Variants in UBE2D2 observed in about 807,000 individuals in gnomAD.
UBE2D2 encodes ubiquitin conjugating enzyme E2 D2, also known as ubiquitin-conjugating enzyme E2 D2.
UBE2D2 carries 2 observed loss-of-function variants against 24.2 expected under a neutral mutation model. The observed-to-expected ratio is 0.08, with a 90% CI of 0.03 to 0.26. UBE2D2 has a LOEUF of 0.26. Ranked by LOEUF, UBE2D2 falls within the 10% of genes least tolerant of loss-of-function variation. The probability of loss-of-function intolerance (pLI) is 1.00; values close to 1 mark genes in which losing one functional copy is unlikely to be tolerated. For synonymous variants in UBE2D2, 58 were observed against 56.5 expected (o/e 1.03, Z -0.12); for missense variants, 44 against 177.6 (o/e 0.25, Z 4.28).
At chr5:139,554,835 T>C (rs1752960588) in intron 1 of UBE2D2, 2 of 152,210 alleles carry the variant, frequency 1.3e-5, no homozygotes, top group Non-Finnish European at 2.9e-5. Flanking sequence ...TCACCATTTA[T>C]TTCTGTCAAT....
intron 1 of UBE2D2, among the ~76,000 whole-genome samples, chr5:139,580,734 C>T (rs1262415316): frequency 3.2e-4 from 49 of 152,124 alleles, no homozygotes; most frequent in Admixed American, 3.1e-3. Context: ...CGTGAGCCAC[C>T]GTGCCCAGCC....
intron 1 of UBE2D2, among the ~76,000 whole-genome samples, chr5:139,587,066 G>A (rs1753744454): frequency 6.6e-6 from 1 of 152,134 alleles, no homozygotes. Context: ...TCTGACCTGG[G>A]GTTGTTGGCC....
intron 2 of UBE2D2, among the ~76,000 whole-genome samples, chr5:139,602,778 C>T (rs1754110173): frequency 6.6e-6 from 1 of 152,146 alleles, no homozygotes; most frequent in African/African-American, 2.4e-5. Context: ...ACAAGGATTA[C>T]TTTACAAATA....
In UBE2D2 at chr5:139,529,085, CAGGTCACTGAGGT is replaced by C. The variant is rs1752572315; in HGVS notation, c.-64+2477_-64+2489del. 2.6e-5 allele frequency among the ~76,000 whole-genome samples: 4 copies of C among 152,280 alleles called. No individual in the cohort carries two copies. The Middle Eastern group carries it at 0.014, about 518-fold the overall frequency. Reference sequence around the variant, plus strand: ...TGAAAACTGTTCCCAGTATATACATCAGGTCACTGAGGTAGGACAAAAGATTGCTACAGTCATA... The same window carrying C: ...TGAAAACTGTTCCCAGTATATACATCAGGACAAAAGATTGCTACAGTCATA... On this transcript the variant is annotated intron_variant, in intron 1 of 6. Coordinates refer to the UBE2D2 transcript ENST00000511725.
upstream of UBE2D2, among the ~76,000 whole-genome samples, chr5:139,559,361 G>A (rs955192413): frequency 6.6e-6 from 1 of 151,466 alleles, no homozygotes; most frequent in South Asian, 2.1e-4. Context: ...CGGGAGAAGA[G>A]CTTGCAGTGA....
chr5:139,605,944 T>G (rs924135677), intron 2 of UBE2D2, among the ~76,000 whole-genome samples: 2 of 152,090 alleles, frequency 1.3e-5, no homozygotes, highest in Non-Finnish European at 2.9e-5. Context: ...GGTCTCACCA[T>G]GTTTCCTACG....
intron 2 of UBE2D2, among the ~76,000 whole-genome samples, chr5:139,607,454 T>C (rs1434921158): frequency 2.0e-5 from 3 of 152,216 alleles, no homozygotes; most frequent in Non-Finnish European, 2.9e-5. Context: ...TTCCTTTTCC[T>C]TCTGCTATTT....
chr5:139,589,123 T>A (rs1416758124), intron 1 of UBE2D2, among the ~76,000 whole-genome samples: 3 of 152,124 alleles, frequency 2.0e-5, no homozygotes, highest in African/African-American at 4.8e-5. Flanking sequence ...CAGAGCGTCT[T>A]TGGTTTGCAC....
At chr5:139,578,840 T>C (rs1561509126) in intron 1 of UBE2D2, among the ~76,000 whole-genome samples, 1 of 152,200 alleles carries the variant, frequency 6.6e-6, no homozygotes. Context: ...TCGTTGACTC[T>C]GAAACACATC....
chr5:139,562,339 A>G (rs577174501), intron 1 of UBE2D2: 2 of 1,344,500 alleles, frequency 1.5e-6, no homozygotes, highest in Non-Finnish European at 2.0e-6. Flanking sequence ...CTTGGGTGGC[A>G]GCACACATCG....
At chr5:139,609,078 CT>C (rs1160422379) in intron 2 of UBE2D2, among the ~76,000 whole-genome samples, 1 of 150,506 alleles carries the variant, frequency 6.6e-6, no homozygotes, top group African/African-American at 2.4e-5. Context: ...CAGAGCGAGA[CT>C]CCATCTCAAA....
chr5:139,606,265 A>G (rs1250179368), intron 2 of UBE2D2, among the ~76,000 whole-genome samples: 1 of 152,014 alleles, frequency 6.6e-6, no homozygotes, highest in Non-Finnish European at 1.5e-5. Flanking sequence ...AGGTTCAAGC[A>G]ATTCTCCTGT....
chr5:139,550,548 C>T (rs1433822095), intron 1 of UBE2D2, among the ~76,000 whole-genome samples: 1 of 152,106 alleles, frequency 6.6e-6, no homozygotes, highest in Admixed American at 6.6e-5. Context: ...GCAACTGGCT[C>T]AGGTTCTCTT....
Position 139,561,437 on chromosome 5 carries a change from G to A in UBE2D2, c.-355G>A, listed in dbSNP as rs1198908220. Reference sequence around the variant, plus strand: ...AATCCCTCCGGCTGTCCGACCAAGAGAGGCCGGCCGAGCCCGAGGCTTGGG... The same window carrying A: ...AATCCCTCCGGCTGTCCGACCAAGAAAGGCCGGCCGAGCCCGAGGCTTGGG... On this transcript the variant is annotated 5_prime_UTR_variant, in exon 1 of 7. Coordinates refer to ENST00000398733, the MANE Select transcript of UBE2D2 (RefSeq NM_003339.3). The A allele has an allele frequency of 7.7e-5, 20 of 259,288 alleles. No individual in the cohort carries two copies. The highest frequency in any genetic ancestry group is 1.5e-4 in the Non-Finnish European group (20 of 136,472). The allele number at this position is 259,288 out of a possible 1,614,324, so 16.1% of individuals were successfully genotyped here.
At chr5:139,544,184 A>G (rs570343567) in intron 1 of UBE2D2, among the ~76,000 whole-genome samples, 69 of 122,588 alleles carry the variant, frequency 5.6e-4, no homozygotes, top group African/African-American at 2.6e-3. Flanking sequence ...TTTTTTTTTT[A>G]ATAGAGATGA....
chr5:139,598,289 T>TA lies in UBE2D2; in HGVS notation c.25-2077dup, dbSNP rs549409465. Among the ~76,000 whole-genome samples the TA allele has an allele frequency of 1.2e-4, 18 of 152,312 alleles. No homozygotes were observed. The East Asian group carries it at 3.3e-3, about 28-fold the overall frequency. ...ATAAGAGTCTAAATGGTTTTGGATTTAAAAAATCTTAGACTTTACTGTTTT... is the reference window on the plus strand; with the variant it reads ...ATAAGAGTCTAAATGGTTTTGGATTTAAAAAAATCTTAGACTTTACTGTTTT... On this transcript the variant is annotated intron_variant, in intron 1 of 6. Coordinates refer to ENST00000398733, the MANE Select transcript of UBE2D2 (RefSeq NM_003339.3).
chr5:139,546,817 TCTTCCTTCCTTC>T (rs59929319), intron 1 of UBE2D2, among the ~76,000 whole-genome samples: 25,750 of 138,194 alleles, frequency 0.19, 2,697 homozygotes, highest in African/African-American at 0.28. Flanking sequence ...CTTCTTTCTT[TCTTCCTTCCTTC>T]CTTCCTTCCT....
At chr5:139,588,304 C>T (rs1394739807) in intron 1 of UBE2D2, among the ~76,000 whole-genome samples, 3 of 150,770 alleles carry the variant, frequency 2.0e-5, no homozygotes, top group Admixed American at 1.3e-4. Context: ...TTTGCTGTGT[C>T]GCCCAGGCTG....
intron 1 of UBE2D2, among the ~76,000 whole-genome samples, chr5:139,569,369 G>C (rs892070209): frequency 6.6e-6 from 1 of 152,138 alleles, no homozygotes; most frequent in African/African-American, 2.4e-5. Flanking sequence ...AAGTCTCCCA[G>C]TGTATATTAC....
Sources: allele counts gnomAD v4.1 joint callset (sites outside exome capture counted in the v4.1 genomes callset), GRCh38; gene constraint gnomAD v4.1.1; transcripts MANE v1.5; gene names NCBI Gene and HGNC (gene_info 2026-07-23, HGNC 2026-07-21).